TEX11: variants seen among roughly 807,000 people sequenced by gnomAD.
TEX11 encodes testis expressed 11.
In TEX11, 7 loss-of-function variants were observed where a neutral mutation model predicts 84.4. The observed-to-expected ratio is 0.08, with a 90% CI of 0.05 to 0.16. The LOEUF is 0.16. TEX11 is among the 10% of genes least tolerant of loss of function. The probability of loss-of-function intolerance (pLI) is 1.00; values close to 1 mark genes in which losing one functional copy is unlikely to be tolerated. For synonymous variants in TEX11, 264 were observed against 222.8 expected, an observed-to-expected ratio of 1.18 and a Z score of -1.64; for missense variants, 551 against 660.5, an observed-to-expected ratio of 0.83 and a Z score of 1.82.
intron 11 of TEX11, among the ~76,000 whole-genome samples, chrX:70,737,076 T>C (rs868167693): frequency 9.0e-6 from 1 of 111,340 alleles, no homozygotes; most frequent in Non-Finnish European, 1.9e-5. Context: ...GATATTAGAA[T>C]TATCAAAGAA....
chrX:70,637,878 T>G (rs746243228), intron 17 of TEX11, among the ~76,000 whole-genome samples: 3 of 109,945 alleles, frequency 2.7e-5, no homozygotes, highest in Non-Finnish European at 5.7e-5. Flanking sequence ...CGTTTACCTA[T>G]GTAACAAACT....
At chrX:70,613,037 T>C (rs932019278) in intron 20 of TEX11, among the ~76,000 whole-genome samples, 2 of 111,973 alleles carry the variant, frequency 1.8e-5, no homozygotes, top group Admixed American at 1.9e-4. Flanking sequence ...TATTTAAATG[T>C]TGAGAGAAAA....
At chrX:70,591,428 C>T (rs191757494) in intron 25 of TEX11, among the ~76,000 whole-genome samples, 3 of 109,110 alleles carry the variant, frequency 2.7e-5, no homozygotes, top group East Asian at 2.9e-4. Flanking sequence ...TGGTGAAACC[C>T]TATATCTACC....
At chrX:70,818,313 A>AAAGAAG (rs10674868) in intron 8 of TEX11, among the ~76,000 whole-genome samples, 262 of 104,469 alleles carry the variant, frequency 2.5e-3, no homozygotes, top group African/African-American at 7.0e-3. Context: ...AAAAAAAGAA[A>AAAGAAG]AAGAAGAAGA....
chrX:70,725,930 A>G (rs1256194480), intron 11 of TEX11, among the ~76,000 whole-genome samples: 1 of 111,901 alleles, frequency 8.9e-6, no homozygotes, highest in Non-Finnish European at 1.9e-5. Flanking sequence ...TACAAAGCCA[A>G]TTAACCCCTA....
chrX:70,802,788 T>C (rs1251640898), intron 9 of TEX11, among the ~76,000 whole-genome samples: 3 of 112,269 alleles, frequency 2.7e-5, no homozygotes, highest in Admixed American at 9.5e-5. Context: ...TTCTGGTTAA[T>C]AAATGTAACC....
At chrX:70,674,999 T>C (rs2090058132) in intron 15 of TEX11, among the ~76,000 whole-genome samples, 1 of 111,779 alleles carries the variant, frequency 8.9e-6, no homozygotes, top group South Asian at 3.8e-4. Flanking sequence ...GTACATAGTA[T>C]ACATGTTTAA....
chrX:70,743,266 C>T (rs180748032), intron 10 of TEX11, among the ~76,000 whole-genome samples: 1 of 112,168 alleles, frequency 8.9e-6, no homozygotes, highest in East Asian at 2.8e-4. Context: ...GTCACTTGTA[C>T]TAGTTTTATC....
chrX:70,732,592 A>C (rs1447680988), intron 11 of TEX11, among the ~76,000 whole-genome samples: 1 of 111,782 alleles, frequency 8.9e-6, no homozygotes, highest in Non-Finnish European at 1.9e-5. Flanking sequence ...TCCAACTTAC[A>C]AAAGACATGA....
At chrX:70,552,593 G>A (rs2088230894) in intron 27 of TEX11, among the ~76,000 whole-genome samples, 1 of 111,521 alleles carries the variant, frequency 9.0e-6, no homozygotes, top group Non-Finnish European at 1.9e-5. Context: ...GGGGTTTAAA[G>A]TGGAATGATT....
chrX:70,591,028 C>T (rs1287016388), intron 25 of TEX11, among the ~76,000 whole-genome samples: 5 of 111,289 alleles, frequency 4.5e-5, no homozygotes, highest in Admixed American at 9.6e-5. Context: ...GGATTACAGG[C>T]GTGAGCCACT....
chrX:70,792,271 G>A (rs1379779743), intron 9 of TEX11, among the ~76,000 whole-genome samples: 1 of 63,663 alleles, frequency 1.6e-5, no homozygotes, highest in Non-Finnish European at 2.7e-5. Flanking sequence ...CTGAGCTACA[G>A]GGCAAGGCTC....
intron 9 of TEX11, among the ~76,000 whole-genome samples, chrX:70,747,856 C>G (rs959004687): frequency 9.0e-6 from 1 of 111,161 alleles, no homozygotes; most frequent in Admixed American, 9.7e-5. Flanking sequence ...TGGTGTGCTG[C>G]ACCCACTAAC....
chrX:70,758,722 T>G (rs1191798165), intron 9 of TEX11, among the ~76,000 whole-genome samples: 1 of 111,111 alleles, frequency 9.0e-6, no homozygotes, highest in Non-Finnish European at 1.9e-5. Context: ...GAGAAGCAAG[T>G]GCAAACAAAT....
chrX:70,893,678 G>A (rs2091751459), intron 2 of TEX11, among the ~76,000 whole-genome samples: 1 of 111,338 alleles, frequency 9.0e-6, no homozygotes. Context: ...AGAGAAGCAA[G>A]AGCAAACAAA....
At chrX:70,678,568 C>T (rs1397827333) in intron 15 of TEX11, among the ~76,000 whole-genome samples, 3 of 109,834 alleles carry the variant, frequency 2.7e-5, no homozygotes, top group Non-Finnish European at 5.7e-5. Flanking sequence ...TTAATATCAG[C>T]GATGACATTT....
At chrX:70,815,439 G>T (rs977856341) in intron 8 of TEX11, among the ~76,000 whole-genome samples, 1 of 110,612 alleles carries the variant, frequency 9.0e-6, no homozygotes, top group East Asian at 2.8e-4. Flanking sequence ...TTTCCCTCCT[G>T]CCATGGCTTC....
chrX:70,650,594 G>A (rs2089799130), intron 17 of TEX11, among the ~76,000 whole-genome samples: 1 of 111,134 alleles, frequency 9.0e-6, no homozygotes, highest in Admixed American at 9.6e-5. Flanking sequence ...TTATTATACA[G>A]GTATACTTTA....
intron 9 of TEX11, among the ~76,000 whole-genome samples, chrX:70,749,773 C>T (rs1415759758): frequency 3.1e-4 from 33 of 107,044 alleles, no homozygotes; most frequent in African/African-American, 1.0e-3. Context: ...GGATGAAGCC[C>T]ACTTGATCAT....
Sources: allele counts gnomAD v4.1 joint callset (sites outside exome capture counted in the v4.1 genomes callset), GRCh38; gene constraint gnomAD v4.1.1; transcripts MANE v1.5; gene names NCBI Gene and HGNC (gene_info 2026-07-23, HGNC 2026-07-21).